VPS37C: variants seen among roughly 807,000 people sequenced by gnomAD.
The protein encoded by VPS37C is VPS37C subunit of ESCRT-I.
Under a neutral mutation model 16.1 loss-of-function variants are expected in VPS37C, and 9 were observed. The ratio of observed to expected loss-of-function variants is 0.56; its 90% CI spans 0.34 to 0.97. The LOEUF is 0.97. Among genes scored for constraint, VPS37C ranks in the 50% least tolerant of loss-of-function variants. The pLI, the probability that VPS37C is intolerant of heterozygous loss-of-function variation, is 0.02. For missense variants in VPS37C, 479 were observed against 472.7 expected, an observed-to-expected ratio of 1.01 and a Z score of -0.12; for synonymous variants, 207 against 206.4, an observed-to-expected ratio of 1.00 and a Z score of -0.02.
intron 1 of VPS37C, among the ~76,000 whole-genome samples, chr11:61,142,415 G>T (rs1861488028): frequency 6.6e-6 from 1 of 151,940 alleles, no homozygotes; most frequent in Non-Finnish European, 1.5e-5. Flanking sequence ...CAAATGTTTT[G>T]TAAAGATGGG....
At position 61,130,668 on chromosome 11, in the gene VPS37C, C is replaced by T. The variant is rs141886476; in HGVS notation, c.*1152G>A. ...TATTGTATTCATTCTTATTACTGAA[C>T]ATGCCCCAAACCCCACAGTGCAGGG... On this transcript the variant is annotated 3_prime_UTR_variant, in exon 5 of 5. Transcript: ENST00000301765. 3.1e-6 allele frequency: 1 copy of T among 321,338 alleles called. No homozygotes were observed. Among genetic ancestry groups the T allele is most frequent in the East Asian group, 1.4e-4 (1 of 7,030 alleles). 19.9% of individuals were successfully genotyped at this position (321,338 alleles called of 1,614,324 possible). A position where few individuals can be genotyped will look rare whatever the true frequency, so the allele number is the denominator to read the frequency against.
At chr11:61,134,280 G>C in intron 2 of VPS37C, 73 bp from the exon 3 acceptor site, 1 of 1,518,606 alleles carries the variant, frequency 6.6e-7, no homozygotes, top group Non-Finnish European at 8.9e-7. Flanking sequence ...TGGGTCAGGG[G>C]CTTCGGGGAC....
chr11:61,136,708 G>A (rs1392976756), intron 2 of VPS37C, among the ~76,000 whole-genome samples: 1 of 152,146 alleles, frequency 6.6e-6, no homozygotes, highest in Non-Finnish European at 1.5e-5. Context: ...GAAATAAGGA[G>A]GAAGAATCTA....
chr11:61,147,550 G>C (rs1289576634), intron 1 of VPS37C, among the ~76,000 whole-genome samples: 1 of 152,068 alleles, frequency 6.6e-6, no homozygotes, highest in Admixed American at 6.5e-5. Context: ...GGAACTCTGG[G>C]GAGGGTTCAA....
In VPS37C at chr11:61,134,117, T is replaced by A. The variant is rs1379756132; in HGVS notation, c.184A>T (p.Ile62Phe). The change falls in exon 3 of 5, where the codon ATC becomes TTC. Residue 62 changes from isoleucine to phenylalanine, a missense_variant. Transcript: ENST00000301765. ...CTATCCGAGAGGTTTGAGCGGCTGA[T>A]CTCCAGGGGACCCTGGAACTCCAAG... Reference protein sequence around the residue: ...RNLEFQGPLEISRSNLSDRYQ... With the variant: ...RNLEFQGPLEFSRSNLSDRYQ... 1 of 1,613,856 alleles carries A rather than the reference T, an allele frequency of 6.2e-7. No individual in the cohort carries two copies. The highest frequency in any genetic ancestry group is 8.5e-7 in the Non-Finnish European group (1 of 1,179,992).
At position 61,138,585 on chromosome 11, in the gene VPS37C, A is replaced by G. The variant is rs192807737; in HGVS notation, c.93+152T>C. 3 of 679,482 alleles carry G rather than the reference A, an allele frequency of 4.4e-6. No homozygotes were observed. The East Asian group carries it at 8.3e-5, about 19-fold the overall frequency. 42.1% of individuals were successfully genotyped at this position (679,482 alleles called of 1,614,324 possible). ...CTCCCAGGAACTGGTCTGAAGCCTCAGGGATTCCTCTGAGTCCAAACCAGG... is the reference window on the plus strand; with the variant it reads ...CTCCCAGGAACTGGTCTGAAGCCTCGGGGATTCCTCTGAGTCCAAACCAGG... On this transcript the variant is annotated intron_variant, in intron 2 of 4. Coordinates refer to ENST00000301765, the MANE Select transcript of VPS37C (RefSeq NM_017966.5).
At chr11:61,152,867 T>C (rs1305506595) in intron 1 of VPS37C, among the ~76,000 whole-genome samples, 31 of 152,236 alleles carry the variant, frequency 2.0e-4, no homozygotes, top group Admixed American at 2.0e-3. Flanking sequence ...TTTCCCCATG[T>C]AGAAAATGCC....
At chr11:61,140,021 G>A (rs1861448228) in intron 1 of VPS37C, among the ~76,000 whole-genome samples, 1 of 152,134 alleles carries the variant, frequency 6.6e-6, no homozygotes, top group Non-Finnish European at 1.5e-5. Context: ...GGGATTACAG[G>A]TGTGTGCCAC....
chr11:61,135,826 C>T (rs1380777545), intron 2 of VPS37C, among the ~76,000 whole-genome samples: 3 of 152,204 alleles, frequency 2.0e-5, no homozygotes, highest in African/African-American at 4.8e-5. Flanking sequence ...CCCCATGGAT[C>T]CTCTGGCCTC....
chr11:61,142,263 G>A (rs666671), intron 1 of VPS37C, among the ~76,000 whole-genome samples: 86,040 of 152,116 alleles, frequency 0.57, 25,197 homozygotes, highest in East Asian at 0.99. Context: ...ACAGGGTCTC[G>A]CTCTATCGCT....
chr11:61,132,985 C>G (rs1565190903), intron 4 of VPS37C: 2 of 576,730 alleles, frequency 3.5e-6, no homozygotes. Flanking sequence ...GGCCTCAGCC[C>G]CTGGGGGCCT....
chr11:61,153,272 A>G (rs1230629230), intron 1 of VPS37C, among the ~76,000 whole-genome samples: 2 of 152,306 alleles, frequency 1.3e-5, no homozygotes, highest in Admixed American at 6.5e-5. Context: ...ATGGTTTTAT[A>G]AGTGTTTGAC....
At chr11:61,142,751 CT>C (rs1442435491) in intron 1 of VPS37C, among the ~76,000 whole-genome samples, 2 of 138,086 alleles carry the variant, frequency 1.4e-5, no homozygotes, top group African/African-American at 5.5e-5. Flanking sequence ...AGGAGTCCCC[CT>C]GAAACACACT....
chr11:61,134,102 G>T lies in VPS37C; in HGVS notation c.199C>A (p.Leu67Ile), dbSNP rs753551360. The change falls in exon 3 of 5, where the codon CTC becomes ATC. Residue 67 changes from leucine (L) to isoleucine (I), a missense_variant. Coordinates refer to ENST00000301765, the MANE Select transcript of VPS37C (RefSeq NM_017966.5). ...CGGAGCTCCTGGTATCTATCCGAGA[G>T]GTTTGAGCGGCTGATCTCCAGGGGA... ...QGPLEISRSNLSDRYQELRKL... is the reference protein window; with the variant it reads ...QGPLEISRSNISDRYQELRKL... 1.9e-6 allele frequency: 3 copies of T among 1,613,866 alleles called. No homozygotes were observed. The African/African-American group carries it at 4.0e-5, about 22-fold the overall frequency.
At chr11:61,138,470 T>G (rs1386093656) in intron 2 of VPS37C, 2 of 432,040 alleles carry the variant, frequency 4.6e-6, no homozygotes, top group Admixed American at 6.8e-5. Flanking sequence ...GCCTCCAGAT[T>G]TGGGCTGGAA....
chr11:61,141,689 T>C (rs1478338366), intron 1 of VPS37C, among the ~76,000 whole-genome samples: 1 of 152,016 alleles, frequency 6.6e-6, no homozygotes, highest in East Asian at 1.9e-4. Context: ...GGGTGCGAGG[T>C]CCAATGGGAT....
Sources: gnomAD v4.1 joint callset for allele counts (sites outside exome capture counted in the v4.1 genomes callset) on GRCh38, gnomAD v4.1.1 for gene constraint, MANE v1.5 for transcripts, NCBI Gene and HGNC (gene_info 2026-07-23, HGNC 2026-07-21) for gene names.